The following PDZRN4 variants were observed in gnomAD, a reference collection of about 807,000 sequenced individuals.
The protein encoded by PDZRN4 is PDZ domain containing ring finger 4.
A neutral mutation model predicts 99.0 loss-of-function variants in PDZRN4; 70 were observed. The observed-to-expected ratio is 0.71, with a 90% confidence interval of 0.58 to 0.86. PDZRN4 has a LOEUF of 0.86. Ranked by LOEUF, PDZRN4 falls within the 40% of genes least tolerant of loss-of-function variation. PDZRN4 has a pLI of 0.00. For synonymous variants in PDZRN4, 551 were observed against 501.6 expected (o/e 1.10, Z -1.32); for missense variants, 1,474 against 1,331.2 (o/e 1.11, Z -1.67).
chr12:41,486,203 T>A (rs1454296451), intron 3 of PDZRN4, among the ~76,000 whole-genome samples: 1 of 152,120 alleles, frequency 6.6e-6, no homozygotes, highest in Non-Finnish European at 1.5e-5. Context: ...TTGAGGGCAG[T>A]TTAAATCTAA....
At position 41,362,522 on chromosome 12, in the gene PDZRN4, G is replaced by T. The variant is rs180740367; in HGVS notation, c.844-143934G>T. On this transcript the variant is annotated intron_variant, in intron 3 of 9. Transcript: ENST00000402685. ...ATATATATATTTTTTCTTTAGGGAA[G>T]TAAAGTCTTAAAGAAAGAAAATCTA... 7.4e-4 allele frequency among the ~76,000 whole-genome samples: 112 copies of T among 152,156 alleles called. 1 individual carries two copies. Among genetic ancestry groups the T allele is most frequent in the African/African-American group, 2.6e-3 (107 of 41,538 alleles).
chr12:41,383,303 T>C (rs570051481), intron 3 of PDZRN4, among the ~76,000 whole-genome samples: 4 of 152,286 alleles, frequency 2.6e-5, no homozygotes, highest in Non-Finnish European at 4.4e-5. Flanking sequence ...AGCAAAGCTG[T>C]TCTGTGGAGG....
chr12:41,501,643 G>C (rs1289130267), intron 3 of PDZRN4, among the ~76,000 whole-genome samples: 4 of 152,160 alleles, frequency 2.6e-5, no homozygotes. Flanking sequence ...TCACTGAAAA[G>C]TGATTGCTTT....
chr12:41,404,549 G>C (rs1222043668), intron 3 of PDZRN4, among the ~76,000 whole-genome samples: 1 of 152,062 alleles, frequency 6.6e-6, no homozygotes, highest in Non-Finnish European at 1.5e-5. Context: ...TCTTGGATTA[G>C]AGGAATCACT....
intron 3 of PDZRN4, among the ~76,000 whole-genome samples, chr12:41,292,720 T>A (rs141824641): frequency 1.7e-4 from 26 of 152,282 alleles, no homozygotes; most frequent in African/African-American, 6.3e-4. Flanking sequence ...GCTGCTAATC[T>A]GTTGTCTTCA....
At chr12:41,540,447 T>C (rs774622915) in intron 5 of PDZRN4, among the ~76,000 whole-genome samples, 37 of 152,206 alleles carry the variant, frequency 2.4e-4, no homozygotes, top group South Asian at 8.3e-4. Flanking sequence ...TTCTTTGATC[T>C]ACCTTCAGGA....
chr12:41,571,134 T>A (rs1939463548), intron 9 of PDZRN4, among the ~76,000 whole-genome samples: 2 of 152,084 alleles, frequency 1.3e-5, no homozygotes, highest in Admixed American at 1.3e-4. Context: ...TATCTATACC[T>A]ATCTATCTAT....
chr12:41,331,128 G>A (rs1021154714), intron 3 of PDZRN4, among the ~76,000 whole-genome samples: 1 of 152,002 alleles, frequency 6.6e-6, no homozygotes, highest in Non-Finnish European at 1.5e-5. Context: ...ATTCAATGAA[G>A]CAATCATAAT....
chr12:41,358,551 A>G (rs1254598879), intron 3 of PDZRN4, among the ~76,000 whole-genome samples: 1 of 151,960 alleles, frequency 6.6e-6, no homozygotes, highest in Non-Finnish European at 1.5e-5. Flanking sequence ...GCCCAATGTC[A>G]CCAGCTAGTA....
At chr12:41,339,573 A>G (rs958428943) in intron 3 of PDZRN4, among the ~76,000 whole-genome samples, 2 of 152,110 alleles carry the variant, frequency 1.3e-5, no homozygotes, top group Non-Finnish European at 2.9e-5. Flanking sequence ...AGCAAAATGG[A>G]CAAATGAGAC....
intron 3 of PDZRN4, among the ~76,000 whole-genome samples, chr12:41,436,579 G>A (rs1254167290): frequency 6.6e-6 from 1 of 152,198 alleles, no homozygotes; most frequent in Non-Finnish European, 1.5e-5. Context: ...CCGGTTTAAA[G>A]ATGTGCTGGA....
intron 7 of PDZRN4, among the ~76,000 whole-genome samples, 179 bp from the exon 8 acceptor site, chr12:41,563,369 T>C (rs1939306639): frequency 6.6e-6 from 1 of 152,198 alleles, no homozygotes; most frequent in African/African-American, 2.4e-5. Flanking sequence ...CGGATCGATA[T>C]GGCTCTTACA....
At chr12:41,347,220 C>T (rs564369653) in intron 3 of PDZRN4, among the ~76,000 whole-genome samples, 2 of 152,194 alleles carry the variant, frequency 1.3e-5, no homozygotes, top group East Asian at 3.9e-4. Context: ...CTTTGAAAAA[C>T]TGCCAAATTG....
intron 3 of PDZRN4, among the ~76,000 whole-genome samples, chr12:41,387,316 G>T (rs1256566795): frequency 6.6e-6 from 1 of 152,126 alleles, no homozygotes; most frequent in African/African-American, 2.4e-5. Flanking sequence ...GGGTGCAGTG[G>T]CTGATGCCTG....
At chr12:41,491,587 A>G (rs916054491) in intron 3 of PDZRN4, among the ~76,000 whole-genome samples, 5 of 152,126 alleles carry the variant, frequency 3.3e-5, no homozygotes, top group African/African-American at 4.8e-5. Context: ...GTCAGGGTGA[A>G]TGTTTTTTGC....
intron 5 of PDZRN4, among the ~76,000 whole-genome samples, chr12:41,540,917 T>C (rs1938841499): frequency 8.6e-6 from 1 of 115,960 alleles, no homozygotes; most frequent in South Asian, 2.6e-4. Flanking sequence ...GTTGTTGTTG[T>C]TGTTGTTGTT....
intron 5 of PDZRN4, among the ~76,000 whole-genome samples, chr12:41,535,925 G>A (rs1938740912): frequency 6.6e-6 from 1 of 152,180 alleles, no homozygotes; most frequent in Admixed American, 6.5e-5. Context: ...TGTCCTAGCT[G>A]TGTAAATGGA....
At chr12:41,277,210 A>G (rs1343526530) in intron 3 of PDZRN4, among the ~76,000 whole-genome samples, 4 of 152,206 alleles carry the variant, frequency 2.6e-5, no homozygotes, top group Non-Finnish European at 5.9e-5. Context: ...AACATTCCAT[A>G]CATGAACCAG....
At chr12:41,430,224 C>T (rs1952576490) in intron 3 of PDZRN4, among the ~76,000 whole-genome samples, 2 of 152,160 alleles carry the variant, frequency 1.3e-5, no homozygotes, top group Admixed American at 1.3e-4. Flanking sequence ...AATCCCAGCA[C>T]TTTGGGAGGC....
Sources: gnomAD v4.1 joint callset for allele counts (sites outside exome capture counted in the v4.1 genomes callset) on GRCh38, gnomAD v4.1.1 for gene constraint, MANE v1.5 for transcripts, NCBI Gene and HGNC (gene_info 2026-07-23, HGNC 2026-07-21) for gene names.